The following MTO1 variants were observed in gnomAD, a reference collection of about 807,000 sequenced individuals.
MTO1 encodes 5-taurinomethyluridine-[tRNA] synthase subunit MTO1, mitochondrial.
MTO1 carries 46 observed loss-of-function variants against 71.6 expected under a neutral mutation model. The observed-to-expected ratio is 0.64, with a 90% CI of 0.51 to 0.82. The LOEUF (loss-of-function observed/expected upper bound fraction) is 0.82. MTO1 is among the 40% of genes least tolerant of loss of function. The pLI, the probability that MTO1 is intolerant of heterozygous loss-of-function variation, is 0.00. For synonymous variants in MTO1, 297 were observed against 312.1 expected (o/e 0.95, Z 0.51); for missense variants, 773 against 867.5 (o/e 0.89, Z 1.37).
chr6:73,496,657 A>T (rs1356642615), intron 10 of MTO1, among the ~76,000 whole-genome samples: 2 of 111,842 alleles, frequency 1.8e-5, no homozygotes, highest in African/African-American at 6.8e-5. Flanking sequence ...CAGTCCCCAG[A>T]GTGTGATGTT....
rs1225259928 is a variant in MTO1, at chr6:73,507,439, G to C, written c.*6704G>C. ...TGACAGGAAAACCCCAACAGGTTAG[G>C]ATCTGTGTATTCCTCAGAGTAAGAA... is the stretch of plus-strand genomic sequence containing the variant. On this transcript the variant is annotated 3_prime_UTR_variant, in exon 12 of 12. Transcript: ENST00000498286. The C allele has an allele frequency of 6.6e-6, 1 of 152,198 alleles. No individual in the cohort carries two copies. Among genetic ancestry groups the C allele is most frequent in the Non-Finnish European group, 1.5e-5 (1 of 68,038 alleles). 9.4% of individuals were successfully genotyped at this position (152,198 alleles called of 1,614,324 possible).
Position 73,492,309 on chromosome 6 carries a change from G to C in MTO1, c.1713G>C (p.Lys571Asn). 2 of 1,613,710 alleles carry C rather than the reference G, an allele frequency of 1.2e-6. No individual in the cohort carries two copies. The change falls in exon 10 of 12, where the codon AAG becomes AAC. Residue 571 changes from lysine (K) to asparagine (N), a missense_variant. Lys to Asn is a moderately conservative substitution (Grantham distance 94). Transcript: ENST00000498286. ...AGGCTGTTCCAGAGCCCTTGAAGAA[G>C]TATACTAAATGTAGAGAGCTGGCTG... ...LAKAVPEPLK[K>N]YTKCRELAER...
At chr6:73,486,606 G>A (rs1401131194) in intron 9 of MTO1, 1 of 433,834 alleles carries the variant, frequency 2.3e-6, no homozygotes, top group South Asian at 1.6e-5. Flanking sequence ...AGGCGTGGTG[G>A]CAGACATCTT....
chr6:73,471,968 C>T (rs751958790), intron 3 of MTO1, among the ~76,000 whole-genome samples: 3 of 151,840 alleles, frequency 2.0e-5, no homozygotes, highest in Non-Finnish European at 2.9e-5. Context: ...TCCCCATTAC[C>T]TGAAGAATAA....
intron 3 of MTO1, among the ~76,000 whole-genome samples, chr6:73,470,762 T>G (rs1771138473): frequency 6.6e-6 from 1 of 152,100 alleles, no homozygotes; most frequent in South Asian, 2.1e-4. Context: ...GAGACCAGTC[T>G]GGCCAACATG....
At position 73,509,148 on chromosome 6, in the gene MTO1, G is replaced by C. The variant is rs1385363963; in HGVS notation, c.*8413G>C. ...AAGTTTTATTTATGTTTTTCATTTG[G>C]TATTAGCCATCTGGTATTTAACCTC... On this transcript the variant is annotated 3_prime_UTR_variant, in exon 12 of 12. Transcript: ENST00000498286. The C allele has an allele frequency of 6.6e-6, 1 of 152,106 alleles. No individual in the cohort carries two copies. The highest frequency in any genetic ancestry group is 1.9e-4 in the East Asian group (1 of 5,200). The allele number at this position is 152,106 out of a possible 1,614,324, so 9.4% of individuals were successfully genotyped here.
At chr6:73,462,144 G>T (rs1770841353) in intron 1 of MTO1, 73 bp downstream of exon 1, 1 of 1,482,518 alleles carries the variant, frequency 6.7e-7, no homozygotes, top group Admixed American at 1.7e-5. Flanking sequence ...CCGGTCTGAA[G>T]CGGGGGACCT....
rs1770820306 is a variant in MTO1, at chr6:73,461,741, T to TA, written c.-113dup. 1.5e-5 allele frequency: 17 copies of TA among 1,169,978 alleles called. 4 individuals are homozygous for TA. Among genetic ancestry groups the TA allele is most frequent in the Non-Finnish European group, 1.9e-5 (16 of 821,580 alleles). 72.5% of individuals were successfully genotyped at this position (1,169,978 alleles called of 1,614,324 possible). On this transcript the variant is annotated 5_prime_UTR_variant, in exon 1 of 12. Coordinates refer to ENST00000498286, the MANE Select transcript of MTO1 (RefSeq NM_012123.4). ...GCGGCGACGCTGGACGTAGACGTCC[T>TA]ACCCCGTGATATTAAAGCAAGATGG... is the stretch of plus-strand genomic sequence containing the variant.
At position 73,473,530 on chromosome 6, in the gene MTO1, G is replaced by A; in HGVS notation, c.701G>A (p.Arg234Lys). The change falls in exon 4 of 12, where the codon AGG (arginine) becomes AAG (lysine). Residue 234 changes from arginine to lysine, a missense_variant. Physicochemically the swap from Arg to Lys is conservative, Grantham distance 26 (BLOSUM62 2). Transcript: ENST00000498286. The stretch of plus-strand genomic sequence containing the variant: ...GAGAAGTTAGGGTTTGTGGTGGGAA[G>A]GTTGAAGACTGGGACTCCACCCCGA... ...TLEKLGFVVG[R>K]LKTGTPPRIA... 2 of 1,614,040 alleles carry A rather than the reference G, an allele frequency of 1.2e-6. No individual in the cohort carries two copies. The highest frequency in any genetic ancestry group is 8.5e-7 in the Non-Finnish European group (1 of 1,180,028).
chr6:73,473,786 ATTTTTT>A, intron 4 of MTO1, 132 bp downstream of exon 4: 3 of 460,432 alleles, frequency 6.5e-6, no homozygotes, highest in South Asian at 2.7e-5. Context: ...CAAAGAAATG[ATTTTTT>A]TTTTTTTTTT....
Position 73,479,781 on chromosome 6 carries a change from A to T in MTO1, c.875A>T (p.Asp292Val), listed in dbSNP as rs1414140321. The T allele has an allele frequency of 6.2e-7, 1 of 1,613,956 alleles. No individual in the cohort carries two copies. Among genetic ancestry groups the T allele is most frequent in the Non-Finnish European group, 8.5e-7 (1 of 1,179,970 alleles). The stretch of plus-strand genomic sequence containing the variant: ...TTGACTCACACCAACCCTAGAGTGG[A>T]TGAGATTGTCCTTAAGAACCTTCAC... The part of the protein sequence containing the change: ...CYLTHTNPRV[D>V]EIVLKNLHLN... The change falls in exon 5 of 12, where the codon GAT becomes GTT. Residue 292 changes from aspartate (D) to valine (V), a missense_variant. Physicochemically the swap from Asp to Val is radical, Grantham distance 152. Transcript: ENST00000498286.
intron 10 of MTO1, among the ~76,000 whole-genome samples, chr6:73,497,075 T>C (rs1378285355): frequency 6.7e-6 from 1 of 150,276 alleles, no homozygotes; most frequent in Non-Finnish European, 1.5e-5. Context: ...AAATAGCTTA[T>C]CTCTAGGACA....
intron 9 of MTO1, among the ~76,000 whole-genome samples, chr6:73,486,038 C>G (rs1245480793): frequency 3.3e-5 from 5 of 152,158 alleles, no homozygotes; most frequent in African/African-American, 1.2e-4. Flanking sequence ...TTGAAGTATG[C>G]TAACTTATCC....
chr6:73,467,472 G>T (rs1466600807), intron 3 of MTO1, among the ~76,000 whole-genome samples: 1 of 151,894 alleles, frequency 6.6e-6, no homozygotes, highest in Non-Finnish European at 1.5e-5. Context: ...AATTAGCCAG[G>T]TGTGGTGGCG....
At position 73,500,561 on chromosome 6, in the gene MTO1, T is replaced by C. The variant is rs1309405134; in HGVS notation, c.1918-13T>C. 6.2e-7 allele frequency: 1 copy of C among 1,608,702 alleles called. No individual in the cohort carries two copies. Among genetic ancestry groups the C allele is most frequent in the Admixed American group, 1.7e-5 (1 of 58,670 alleles). ...ATAGCTCACTTAGTTTCTCTTGTGGTATTGATTTTTAGATCGGGGCTGCTA... is the reference window on the plus strand; with the variant it reads ...ATAGCTCACTTAGTTTCTCTTGTGGCATTGATTTTTAGATCGGGGCTGCTA... On this transcript the variant is annotated splice_polypyrimidine_tract_variant and intron_variant, in intron 11 of 11. Coordinates refer to ENST00000498286, the MANE Select transcript of MTO1 (RefSeq NM_012123.4).
chr6:73,483,796 T>C (rs2150038307), intron 9 of MTO1, among the ~76,000 whole-genome samples: 1 of 149,842 alleles, frequency 6.7e-6, no homozygotes, highest in African/African-American at 2.5e-5. Flanking sequence ...TTTTTTTTTT[T>C]TTTTTTTTGA....
chr6:73,479,678 G>A, intron 4 of MTO1, 54 bp from the exon 5 acceptor site: 1 of 1,404,570 alleles, frequency 7.1e-7, no homozygotes, highest in Non-Finnish European at 1.0e-6. Context: ...ATTTGGATAA[G>A]AGAGAAACTA....
At position 73,472,551 on chromosome 6, in the gene MTO1, C is replaced by G. The variant is rs1038490476; in HGVS notation, c.536-814C>G. Among the ~76,000 whole-genome samples the G allele has an allele frequency of 4.6e-5, 7 of 151,968 alleles. No homozygotes were observed. The South Asian group carries it at 1.0e-3, about 23-fold the overall frequency. ...TTAGCCTTCTTACTCATTTAAAATT[C>G]TTTGTCTGGGGTAGGGGAAATGGGA... On this transcript the variant is annotated intron_variant, in intron 3 of 11. Coordinates refer to ENST00000498286, the MANE Select transcript of MTO1 (RefSeq NM_012123.4).
intron 3 of MTO1, among the ~76,000 whole-genome samples, chr6:73,472,489 T>A (rs1258084783): frequency 6.6e-6 from 1 of 152,184 alleles, no homozygotes; most frequent in Non-Finnish European, 1.5e-5. Context: ...CATTGTATTC[T>A]CTCTCCTAGA....
Sources: gnomAD v4.1 joint callset for allele counts (sites outside exome capture counted in the v4.1 genomes callset) on GRCh38, gnomAD v4.1.1 for gene constraint, MANE v1.5 for transcripts, NCBI Gene and HGNC (gene_info 2026-07-23, HGNC 2026-07-21) for gene names.